USH2A: variants seen among roughly 807,000 people sequenced by gnomAD.
USH2A encodes the protein Usher syndrome 2A (autosomal recessive, mild).
In USH2A, 443 loss-of-function variants were observed where a neutral mutation model predicts 538.9. The ratio of observed to expected loss-of-function variants is 0.82; its 90% CI spans 0.76 to 0.89. USH2A has a LOEUF of 0.89. Among genes scored for constraint, USH2A ranks in the 40% least tolerant of loss-of-function variants. USH2A has a pLI of 0.00. For missense variants in USH2A, 6,633 were observed against 6,324.8 expected (o/e 1.05, Z -1.65); for synonymous variants, 2,413 against 2,273.5 (o/e 1.06, Z -1.75).
rs1665451816 is a variant in USH2A at position 215,900,171 on chromosome 1, G to A, written c.7498C>T (p.Leu2500Phe). 6.2e-7 allele frequency: 1 copy of A among 1,613,714 alleles called. No homozygotes were observed. ...AACATATACTCTGTGTACGGTTGGA[G>A]ATCACTCACTTCATAGCTTAACGAT... The part of the protein sequence containing the change: ...SASLSYEVSD[L>F]QPYTEYMFRL... Residue 2500 changes from leucine (L) to phenylalanine (F), a missense_variant, in exon 40 of 72, where the codon CTC (leucine) becomes TTC (phenylalanine). Leu to Phe is a conservative substitution (Grantham distance 22). Transcript: ENST00000307340.
intron 55 of USH2A, among the ~76,000 whole-genome samples, chr1:215,773,654 C>T (rs867046940): frequency 3.9e-5 from 6 of 152,160 alleles, no homozygotes; most frequent in East Asian, 1.9e-4. Flanking sequence ...CGCAAGACAA[C>T]GAGCCCCAGA....
chr1:216,284,621 A>C (rs2036846701), intron 11 of USH2A, among the ~76,000 whole-genome samples: 1 of 152,216 alleles, frequency 6.6e-6, no homozygotes, highest in African/African-American at 2.4e-5. Context: ...CACCCAAAAA[A>C]GTGGAAGCAA....
At chr1:216,337,765 C>G (rs186680992) in intron 4 of USH2A, among the ~76,000 whole-genome samples, 52 of 151,302 alleles carry the variant, frequency 3.4e-4, no homozygotes, top group Middle Eastern at 3.4e-3. Flanking sequence ...TCTACCTCAA[C>G]AATTCAAATA....
intron 37 of USH2A, among the ~76,000 whole-genome samples, chr1:215,952,717 T>TTC (rs1348936162): frequency 6.6e-6 from 1 of 152,234 alleles, no homozygotes; most frequent in African/African-American, 2.4e-5. Context: ...CCCCACTCTG[T>TTC]TCTGGCTTGC....
intron 21 of USH2A, among the ~76,000 whole-genome samples, chr1:216,167,526 C>G (rs1239594414): frequency 6.6e-6 from 1 of 152,100 alleles, no homozygotes; most frequent in Non-Finnish European, 1.5e-5. Context: ...CCTATAACTT[C>G]AGTAAACACA....
At chr1:216,117,140 G>A (rs2102590884) in intron 21 of USH2A, among the ~76,000 whole-genome samples, 1 of 152,178 alleles carries the variant, frequency 6.6e-6, no homozygotes, top group South Asian at 2.1e-4. Flanking sequence ...GTTTAGTAAA[G>A]ATCCAGTATT....
chr1:215,626,509 G>T (rs1265591870), intron 71 of USH2A, among the ~76,000 whole-genome samples: 1 of 151,846 alleles, frequency 6.6e-6, no homozygotes, highest in Non-Finnish European at 1.5e-5. Context: ...TCCCACTCTT[G>T]TGCTGTATTT....
At chr1:216,410,984 C>G (rs1410661354) in intron 3 of USH2A, among the ~76,000 whole-genome samples, 1 of 152,086 alleles carries the variant, frequency 6.6e-6, no homozygotes, top group African/African-American at 2.4e-5. Context: ...CCAAAGTGAT[C>G]TTTAGGAAAA....
At chr1:215,915,708 A>T (rs1300921230) in intron 38 of USH2A, among the ~76,000 whole-genome samples, 3 of 151,936 alleles carry the variant, frequency 2.0e-5, no homozygotes, top group African/African-American at 2.4e-5. Flanking sequence ...AAGGACTATA[A>T]ATCATGCTGC....
intron 61 of USH2A, among the ~76,000 whole-genome samples, chr1:215,681,522 A>C (rs985876906): frequency 6.6e-6 from 1 of 152,196 alleles, no homozygotes; most frequent in African/African-American, 2.4e-5. Context: ...GAACAAGGGA[A>C]GAAGAATATA....
intron 41 of USH2A, among the ~76,000 whole-genome samples, chr1:215,884,069 G>C (rs1020119441): frequency 1.3e-5 from 2 of 152,020 alleles, no homozygotes; most frequent in Admixed American, 6.6e-5. Context: ...GGCCTGTCAA[G>C]GGGTGGAGGG....
intron 47 of USH2A, among the ~76,000 whole-genome samples, chr1:215,834,085 TAGAGCA>T (rs1663406307): frequency 2.0e-5 from 3 of 152,148 alleles, no homozygotes; most frequent in Non-Finnish European, 4.4e-5. Flanking sequence ...AGCAAAAATG[TAGAGCA>T]ACTTGAACTC....
intron 61 of USH2A, among the ~76,000 whole-genome samples, chr1:215,719,846 G>A (rs1488942314): frequency 6.6e-6 from 1 of 152,126 alleles, no homozygotes; most frequent in Non-Finnish European, 1.5e-5. Flanking sequence ...TCCTAATGTT[G>A]TCTTCAAGTG....
In USH2A at chr1:216,023,087, G is replaced by A. The variant is rs981834879; in HGVS notation, c.6326-22525C>T. On this transcript the variant is annotated intron_variant, in intron 32 of 71. Transcript: ENST00000307340. ...CATCTACAGCAGGTGAGGGCAATGA[G>A]GCAGTGAAATACAAATATTAGAACT... Among the ~76,000 whole-genome samples, 3 of 152,188 alleles carry A rather than the reference G, an allele frequency of 2.0e-5. No individual in the cohort carries two copies. The South Asian group carries it at 6.2e-4, about 32-fold the overall frequency.
chr1:215,788,817 A>G (rs563328311), intron 51 of USH2A, among the ~76,000 whole-genome samples: 1 of 152,294 alleles, frequency 6.6e-6, no homozygotes, highest in South Asian at 2.1e-4. Flanking sequence ...TTGGAGGGTA[A>G]AATAATAGTA....
intron 36 of USH2A, among the ~76,000 whole-genome samples, chr1:215,970,283 C>T (rs536854555): frequency 1.3e-5 from 2 of 152,144 alleles, no homozygotes; most frequent in East Asian, 1.9e-4. Context: ...TAATCTTAAA[C>T]TTACTTAGAT....
chr1:215,836,580 A>T (rs1663538649), intron 47 of USH2A, among the ~76,000 whole-genome samples: 1 of 81,934 alleles, frequency 1.2e-5, no homozygotes, highest in Non-Finnish European at 2.4e-5. Context: ...TTTTTGAGAC[A>T]GAGTATCACT....
intron 30 of USH2A, among the ~76,000 whole-genome samples, chr1:216,058,746 TA>T: frequency 6.6e-6 from 1 of 152,324 alleles, no homozygotes; most frequent in Non-Finnish European, 1.5e-5. Context: ...TAAGGACTAG[TA>T]GTTCAATACT....
At chr1:215,867,421 A>G (rs1285917037) in intron 43 of USH2A, among the ~76,000 whole-genome samples, 1 of 152,208 alleles carries the variant, frequency 6.6e-6, no homozygotes, top group Non-Finnish European at 1.5e-5. Context: ...CTGAACAAAT[A>G]TTGCTATTGA....
Sources: allele counts gnomAD v4.1 joint callset (sites outside exome capture counted in the v4.1 genomes callset), GRCh38; gene constraint gnomAD v4.1.1; transcripts MANE v1.5; gene names NCBI Gene and HGNC (gene_info 2026-07-23, HGNC 2026-07-21).